RASGRP3: variants seen among roughly 807,000 people sequenced by gnomAD.
The protein encoded by RASGRP3 is RAS guanyl releasing protein 3.
RASGRP3 carries 54 observed loss-of-function variants against 82.7 expected under a neutral mutation model. The observed-to-expected ratio is 0.65, with a 90% CI of 0.52 to 0.82. RASGRP3 has a LOEUF of 0.82. RASGRP3 is among the 40% of genes least tolerant of loss of function. The probability of loss-of-function intolerance (pLI) is 0.00; values close to 1 mark genes in which losing one functional copy is unlikely to be tolerated. For missense variants in RASGRP3, 861 were observed against 828.9 expected, an observed-to-expected ratio of 1.04 and a Z score of -0.48; for synonymous variants, 309 against 300.5, an observed-to-expected ratio of 1.03 and a Z score of -0.29.
chr2:33,491,310 G>A (rs975896242), intron 1 of RASGRP3, among the ~76,000 whole-genome samples: 1 of 151,694 alleles, frequency 6.6e-6, no homozygotes, highest in African/African-American at 2.4e-5. Context: ...GAGTGAGACT[G>A]TGTCTCAAAA....
At chr2:33,491,759 A>G (rs949837575) in intron 1 of RASGRP3, among the ~76,000 whole-genome samples, 4 of 152,242 alleles carry the variant, frequency 2.6e-5, no homozygotes, top group Non-Finnish European at 4.4e-5. Flanking sequence ...CTAGAATTAT[A>G]TAATTGTCTA....
At chr2:33,441,735 A>C (rs1459010737) in intron 1 of RASGRP3, among the ~76,000 whole-genome samples, 1 of 152,228 alleles carries the variant, frequency 6.6e-6, no homozygotes, top group Non-Finnish European at 1.5e-5. Context: ...TTTTATTAAG[A>C]TTTCCTAGAT....
chr2:33,555,656 C>T, intron 15 of RASGRP3, 89 bp downstream of exon 15: 2 of 1,161,934 alleles, frequency 1.7e-6, no homozygotes, highest in Non-Finnish European at 1.2e-6. Context: ...AAAGCTCTTG[C>T]CATTATTCGG....
intron 1 of RASGRP3, among the ~76,000 whole-genome samples, chr2:33,477,746 T>G (rs1180312761): frequency 6.6e-6 from 1 of 152,222 alleles, no homozygotes; most frequent in Non-Finnish European, 1.5e-5. Context: ...GGCAGAGCTC[T>G]AAACTGATGA....
At chr2:33,534,946 T>C (rs971182238) in intron 11 of RASGRP3, among the ~76,000 whole-genome samples, 4 of 152,118 alleles carry the variant, frequency 2.6e-5, no homozygotes, top group African/African-American at 7.2e-5. Context: ...CATTACTCTG[T>C]TTTATAATTG....
chr2:33,465,547 T>C (rs1296798282), intron 2 of RASGRP3, among the ~76,000 whole-genome samples: 1 of 152,218 alleles, frequency 6.6e-6, no homozygotes, highest in African/African-American at 2.4e-5. Flanking sequence ...GAACATGTTA[T>C]TAAGTAAAGT....
intron 1 of RASGRP3, among the ~76,000 whole-genome samples, chr2:33,439,722 T>A (rs1665117717): frequency 6.6e-6 from 1 of 152,010 alleles, no homozygotes; most frequent in East Asian, 1.9e-4. Flanking sequence ...GCAGAGGGAA[T>A]GAGCCTATGG....
chr2:33,562,580 A>T lies in RASGRP3; in HGVS notation c.2065-149A>T, dbSNP rs886763300. 16 of 833,582 alleles carry T rather than the reference A, an allele frequency of 1.9e-5. No homozygotes were observed. The African/African-American group carries it at 2.6e-4, about 14-fold the overall frequency. The allele number at this position is 833,582 out of a possible 1,614,324, so 51.6% of individuals were successfully genotyped here. On this transcript the variant is annotated intron_variant, in intron 17 of 17. Coordinates refer to ENST00000403687, the MANE Select transcript of RASGRP3 (RefSeq NM_001139488.2). ...GCCACTGCACCCAGCTACCTACATG[A>T]TCTCCTAATTCCCACTAAATCCTGA...
intron 1 of RASGRP3, among the ~76,000 whole-genome samples, chr2:33,503,765 T>C (rs934344367): frequency 3.9e-5 from 6 of 152,194 alleles, no homozygotes; most frequent in East Asian, 1.9e-4. Flanking sequence ...GATGATAACA[T>C]AGTACAGTTT....
chr2:33,442,981 A>G (rs1444884736), intron 1 of RASGRP3, among the ~76,000 whole-genome samples: 1 of 151,998 alleles, frequency 6.6e-6, no homozygotes, highest in Admixed American at 6.6e-5. Flanking sequence ...GTAATCCCAC[A>G]ACAGGGATTT....
intron 1 of RASGRP3, among the ~76,000 whole-genome samples, chr2:33,479,139 G>C (rs1667646465): frequency 6.6e-6 from 1 of 152,186 alleles, no homozygotes; most frequent in Non-Finnish European, 1.5e-5. Context: ...AGCACAATAT[G>C]ATTACACACA....
At chr2:33,436,863 T>C (rs1664951281) in intron 1 of RASGRP3, among the ~76,000 whole-genome samples, 1 of 152,220 alleles carries the variant, frequency 6.6e-6, no homozygotes, top group Admixed American at 6.5e-5. Context: ...ATAGTATAAA[T>C]AATTTCATTG....
upstream of RASGRP3, among the ~76,000 whole-genome samples, chr2:33,475,652 A>G (rs1667317436): frequency 6.6e-6 from 1 of 152,192 alleles, no homozygotes; most frequent in South Asian, 2.1e-4. Context: ...TCAGACATCC[A>G]AGGTCAGACA....
intron 1 of RASGRP3, among the ~76,000 whole-genome samples, chr2:33,487,629 A>G (rs886286779): frequency 6.6e-6 from 1 of 152,218 alleles, no homozygotes; most frequent in Non-Finnish European, 1.5e-5. Flanking sequence ...TTACCCTCAA[A>G]CAAAAGTTTG....
upstream of RASGRP3, among the ~76,000 whole-genome samples, chr2:33,474,760 C>T (rs555128447): frequency 7.0e-4 from 107 of 152,366 alleles, no homozygotes; most frequent in Admixed American, 1.3e-3. Context: ...CAGTATCATG[C>T]TTCCTCCATA....
intron 17 of RASGRP3, among the ~76,000 whole-genome samples, 178 bp from the exon 18 acceptor site, chr2:33,562,551 G>GTC (rs1409921920): frequency 6.6e-6 from 1 of 152,116 alleles, no homozygotes; most frequent in Non-Finnish European, 1.5e-5. Context: ...GATTATAGGT[G>GTC]TGAGCCACTG....
intron 17 of RASGRP3, among the ~76,000 whole-genome samples, chr2:33,559,469 T>G (rs1676401976): frequency 6.6e-6 from 1 of 152,194 alleles, no homozygotes; most frequent in African/African-American, 2.4e-5. Context: ...CAAAAGAAGC[T>G]TTTGACAGCA....
At chr2:33,561,286 C>T (rs1676622431) in intron 17 of RASGRP3, among the ~76,000 whole-genome samples, 1 of 152,148 alleles carries the variant, frequency 6.6e-6, no homozygotes, top group African/African-American at 2.4e-5. Context: ...AGGCTGGTCC[C>T]AAACTCCTGA....
rs187996592 is a variant in RASGRP3, at chr2:33,534,119, C to T, written c.1084-204C>T. 1,987 of 568,992 alleles carry T rather than the reference C, an allele frequency of 3.5e-3. 11 individuals carry two copies. The highest frequency in any genetic ancestry group is 9.0e-3 in the Middle Eastern group (19 of 2,106). 35.2% of individuals were successfully genotyped at this position (568,992 alleles called of 1,614,324 possible). A position where few individuals can be genotyped will look rare whatever the true frequency, so the allele number is the denominator to read the frequency against. On this transcript the variant is annotated intron_variant, in intron 10 of 17. Coordinates refer to ENST00000403687, the MANE Select transcript of RASGRP3 (RefSeq NM_001139488.2). ...GCTGAGGAATTGAGTTGATGGTTCT[C>T]GTCAATACTGATGATTAACCAGGAT... is the stretch of plus-strand genomic sequence containing the variant.
Sources: allele counts gnomAD v4.1 joint callset (sites outside exome capture counted in the v4.1 genomes callset), GRCh38; gene constraint gnomAD v4.1.1; transcripts MANE v1.5; gene names NCBI Gene and HGNC (gene_info 2026-07-23, HGNC 2026-07-21).